Variants in EPHA6 observed in about 807,000 individuals in gnomAD.
EPHA6 encodes EPH receptor A6, also known as ephrin type-A receptor 6.
In EPHA6, 50 loss-of-function variants were observed where a neutral mutation model predicts 112.0. That is an observed-to-expected ratio of 0.45 (90% CI 0.36 to 0.56). The LOEUF (loss-of-function observed/expected upper bound fraction) is 0.56. Ranked by LOEUF, EPHA6 falls within the 20% of genes least tolerant of loss-of-function variation. The pLI, the probability that EPHA6 is intolerant of heterozygous loss-of-function variation, is 0.00. For missense variants in EPHA6, 1,280 were observed against 1,417.4 expected (o/e 0.90, Z 1.56); for synonymous variants, 529 against 490.7 (o/e 1.08, Z -1.03).
chr3:97,666,169 C>A (rs1386456790), intron 14 of EPHA6, among the ~76,000 whole-genome samples: 1 of 151,940 alleles, frequency 6.6e-6, no homozygotes, highest in Non-Finnish European at 1.5e-5. Flanking sequence ...GTTTCCGATT[C>A]TGTTTCCAGC....
chr3:97,068,162 AAAG>A (rs1333709000), intron 3 of EPHA6, among the ~76,000 whole-genome samples: 3,039 of 133,942 alleles, frequency 0.023, 258 homozygotes, highest in African/African-American at 0.075. Context: ...CTCAAAAAAA[AAAG>A]AAAAAAAAAA....
At chr3:97,303,934 G>A (rs529006642) in intron 5 of EPHA6, among the ~76,000 whole-genome samples, 1 of 152,084 alleles carries the variant, frequency 6.6e-6, no homozygotes, top group East Asian at 1.9e-4. Context: ...GTGATTTATA[G>A]CTCTTCTTGA....
At chr3:97,639,824 A>G (rs2093985157) in intron 14 of EPHA6, among the ~76,000 whole-genome samples, 1 of 152,250 alleles carries the variant, frequency 6.6e-6, no homozygotes, top group Non-Finnish European at 1.5e-5. Context: ...AGACTTAAAT[A>G]GCAAATTAGG....
chr3:96,934,964 G>C (rs1484115299), intron 2 of EPHA6, among the ~76,000 whole-genome samples: 2 of 151,610 alleles, frequency 1.3e-5, no homozygotes, highest in Non-Finnish European at 3.0e-5. Flanking sequence ...ATGGGGATAT[G>C]ATATCATTTA....
chr3:97,282,004 C>T (rs1253346433), intron 5 of EPHA6, among the ~76,000 whole-genome samples: 1 of 152,158 alleles, frequency 6.6e-6, no homozygotes, highest in Non-Finnish European at 1.5e-5. Context: ...TTAAGATTTT[C>T]AAGGCATTAT....
chr3:97,557,347 T>C (rs572498211), intron 11 of EPHA6, among the ~76,000 whole-genome samples: 3 of 152,136 alleles, frequency 2.0e-5, no homozygotes, highest in Non-Finnish European at 4.4e-5. Flanking sequence ...AACTTGACTA[T>C]GTGAGATGCC....
At chr3:97,678,869 C>T (rs1235594838) in intron 14 of EPHA6, among the ~76,000 whole-genome samples, 2 of 152,028 alleles carry the variant, frequency 1.3e-5, no homozygotes, top group East Asian at 3.8e-4. Flanking sequence ...TCATGTTGTT[C>T]TAGATATATG....
intron 14 of EPHA6, among the ~76,000 whole-genome samples, chr3:97,678,995 A>G (rs2031638186): frequency 6.6e-6 from 1 of 152,162 alleles, no homozygotes; most frequent in African/African-American, 2.4e-5. Context: ...TGATAACTAT[A>G]TGCTTAGTGT....
intron 3 of EPHA6, among the ~76,000 whole-genome samples, chr3:97,128,870 G>GTTT (rs1433686823): frequency 1.7e-5 from 2 of 115,480 alleles, no homozygotes; most frequent in Non-Finnish European, 3.7e-5. Context: ...GAATTTTTAT[G>GTTT]TCTTTTTTTT....
intron 2 of EPHA6, among the ~76,000 whole-genome samples, chr3:96,962,990 C>CA (rs1001453308): frequency 3.3e-5 from 5 of 151,896 alleles, no homozygotes; most frequent in African/African-American, 1.2e-4. Flanking sequence ...CCTGTCTCTA[C>CA]AAAAAATACA....
chr3:97,075,862 A>G (rs1277862878), intron 3 of EPHA6, among the ~76,000 whole-genome samples: 1 of 152,074 alleles, frequency 6.6e-6, no homozygotes, highest in Non-Finnish European at 1.5e-5. Context: ...GTGATCAGTG[A>G]TCTTTGAAAT....
At chr3:97,191,767 T>C (rs2077313253) in intron 3 of EPHA6, among the ~76,000 whole-genome samples, 1 of 152,186 alleles carries the variant, frequency 6.6e-6, no homozygotes, top group Admixed American at 6.5e-5. Context: ...ATTGTGGAGT[T>C]TGCACGTAGT....
chr3:96,845,595 A>C (rs1375391868), intron 1 of EPHA6, among the ~76,000 whole-genome samples: 1 of 152,032 alleles, frequency 6.6e-6, no homozygotes. Context: ...CCATCAATGA[A>C]TTTAAATGAT....
intron 5 of EPHA6, among the ~76,000 whole-genome samples, chr3:97,365,563 T>A (rs2084673302): frequency 6.6e-6 from 1 of 152,118 alleles, no homozygotes; most frequent in South Asian, 2.1e-4. Flanking sequence ...TGTATTTTTG[T>A]ATTTTTAGTA....
chr3:96,940,959 G>A (rs1176871494), intron 2 of EPHA6, among the ~76,000 whole-genome samples: 3 of 152,132 alleles, frequency 2.0e-5, no homozygotes, highest in Admixed American at 6.5e-5. Context: ...AGTTTCTGCC[G>A]AGAGATCAGC....
intron 2 of EPHA6, among the ~76,000 whole-genome samples, chr3:96,968,830 TC>T (rs2042219370): frequency 1.3e-5 from 2 of 151,938 alleles, no homozygotes; most frequent in Non-Finnish European, 2.9e-5. Context: ...TCTTTTTCTT[TC>T]TTTTCCTTAA....
chr3:97,565,871 G>A (rs1002448991), intron 11 of EPHA6, among the ~76,000 whole-genome samples: 2 of 151,976 alleles, frequency 1.3e-5, no homozygotes, highest in African/African-American at 2.4e-5. Context: ...ACAAAAATTA[G>A]CTGGGTGTGG....
intron 3 of EPHA6, among the ~76,000 whole-genome samples, chr3:97,118,341 A>G (rs2047951852): frequency 6.6e-6 from 1 of 151,688 alleles, no homozygotes; most frequent in Non-Finnish European, 1.5e-5. Flanking sequence ...TTTCACTCAT[A>G]AATATTCTAT....
intron 12 of EPHA6, among the ~76,000 whole-genome samples, chr3:97,601,832 A>G (rs1293643255): frequency 6.6e-6 from 1 of 152,048 alleles, no homozygotes; most frequent in Non-Finnish European, 1.5e-5. Context: ...AATACATGAA[A>G]TATATTCTGT....
Sources: allele counts gnomAD v4.1 joint callset (sites outside exome capture counted in the v4.1 genomes callset), GRCh38; gene constraint gnomAD v4.1.1; transcripts MANE v1.5; gene names NCBI Gene and HGNC (gene_info 2026-07-23, HGNC 2026-07-21).